The following UBTD1 variants were observed in gnomAD, a reference collection of about 807,000 sequenced individuals.
The protein encoded by UBTD1 is ubiquitin domain containing 1, also known as ubiquitin domain-containing protein 1.
In UBTD1, 19 loss-of-function variants were observed where a neutral mutation model predicts 21.7. That is an observed-to-expected ratio of 0.87 (90% confidence interval 0.61 to 1.28). The LOEUF (loss-of-function observed/expected upper bound fraction) is 1.28, where lower values mean the gene tolerates loss of function less well. Ranked by LOEUF, UBTD1 falls within the 50% of genes most tolerant of loss-of-function variation. The pLI, the probability that UBTD1 is intolerant of heterozygous loss-of-function variation, is 0.00. For missense variants in UBTD1, 282 were observed against 315.1 expected, an observed-to-expected ratio of 0.89 and a Z score of 0.80; for synonymous variants, 116 against 135.1, an observed-to-expected ratio of 0.86 and a Z score of 0.98.
chr10:97,542,768 C>T (rs1303221464), intron 1 of UBTD1, among the ~76,000 whole-genome samples: 1 of 152,200 alleles, frequency 6.6e-6, no homozygotes, highest in East Asian at 1.9e-4. Flanking sequence ...AGCAGAGGGT[C>T]CCCTGAGCCA....
At chr10:97,565,726 G>A (rs2040714323) in intron 1 of UBTD1, among the ~76,000 whole-genome samples, 1 of 151,766 alleles carries the variant, frequency 6.6e-6, no homozygotes. Context: ...ATTTTTTTGA[G>A]ACAGGGTCTC....
At chr10:97,531,440 G>A (rs141396938) in intron 1 of UBTD1, among the ~76,000 whole-genome samples, 6 of 152,056 alleles carry the variant, frequency 3.9e-5, no homozygotes, top group East Asian at 3.9e-4. Context: ...ATGTAGAGAC[G>A]AGGTTTCACC....
chr10:97,499,129 C>T lies in UBTD1; in HGVS notation c.-75C>T. Reference sequence around the variant, plus strand: ...ATGCCGGGCGGCCGGAGCCATTGACCCGGGACGCCGCCGTCCGCTGAGCAG... The same window carrying T: ...ATGCCGGGCGGCCGGAGCCATTGACTCGGGACGCCGCCGTCCGCTGAGCAG... On this transcript the variant is annotated 5_prime_UTR_variant, in exon 1 of 3. Coordinates refer to ENST00000370664, the MANE Select transcript of UBTD1 (RefSeq NM_024954.5). The T allele has an allele frequency of 3.4e-6, 5 of 1,453,998 alleles. No homozygotes were observed. The highest frequency in any genetic ancestry group is 4.6e-6 in the Non-Finnish European group (5 of 1,092,494). The allele number at this position is 1,453,998 out of a possible 1,614,324, so 90.1% of individuals were successfully genotyped here.
At chr10:97,509,568 C>A (rs2040413382) in intron 1 of UBTD1, among the ~76,000 whole-genome samples, 1 of 152,160 alleles carries the variant, frequency 6.6e-6, no homozygotes, top group Non-Finnish European at 1.5e-5. Flanking sequence ...CCTAGTCCTC[C>A]CTGGTCACCT....
chr10:97,531,941 G>A (rs2040534027), intron 1 of UBTD1, among the ~76,000 whole-genome samples: 1 of 152,230 alleles, frequency 6.6e-6, no homozygotes, highest in African/African-American at 2.4e-5. Context: ...AAACTGGCCT[G>A]TGGTGTGATG....
intron 1 of UBTD1, among the ~76,000 whole-genome samples, chr10:97,516,697 C>G (rs947012907): frequency 8.5e-5 from 13 of 152,072 alleles, no homozygotes; most frequent in Non-Finnish European, 1.9e-4. Context: ...ATGGCCTGAA[C>G]CCGGGAGGCA....
chr10:97,537,071 G>T (rs2040566100), intron 1 of UBTD1, among the ~76,000 whole-genome samples: 1 of 152,074 alleles, frequency 6.6e-6, no homozygotes, highest in Non-Finnish European at 1.5e-5. Flanking sequence ...AGGCCAGCAG[G>T]GCAGGCCTGT....
chr10:97,533,527 G>A (rs935561370), intron 1 of UBTD1, among the ~76,000 whole-genome samples: 3 of 152,184 alleles, frequency 2.0e-5, no homozygotes, highest in African/African-American at 7.2e-5. Context: ...CTGGTGGAGC[G>A]TGTCTGAGGG....
At chr10:97,517,301 G>T (rs1009984997) in intron 1 of UBTD1, among the ~76,000 whole-genome samples, 1 of 152,032 alleles carries the variant, frequency 6.6e-6, no homozygotes, top group Non-Finnish European at 1.5e-5. Context: ...GGAGTGGAGC[G>T]CCACTGGAGA....
chr10:97,526,980 T>C (rs2135666837), intron 1 of UBTD1, among the ~76,000 whole-genome samples: 1 of 151,990 alleles, frequency 6.6e-6, no homozygotes, highest in African/African-American at 2.4e-5. Context: ...AAGACCAGCC[T>C]GGGCAACATA....
At chr10:97,509,266 T>A (rs963657917) in intron 1 of UBTD1, among the ~76,000 whole-genome samples, 1 of 152,220 alleles carries the variant, frequency 6.6e-6, no homozygotes, top group Non-Finnish European at 1.5e-5. Context: ...ATTGACTGAA[T>A]AAGTGGCAGA....
chr10:97,551,734 C>T (rs1335863129), intron 1 of UBTD1, among the ~76,000 whole-genome samples: 2 of 152,176 alleles, frequency 1.3e-5, no homozygotes. Flanking sequence ...TCCATGGCTG[C>T]ACCCCAGAAC....
rs188927882 is a variant in UBTD1 at position 97,570,006 on chromosome 10, G to C, written c.299-132G>C. ...ACCTCATTTAACTTTATTTATTTCT[G>C]TATAGGCCCCATGTCCAAATACAGT... On this transcript the variant is annotated intron_variant, in intron 2 of 2. Transcript: ENST00000370664. This position sits in a 1 kb window ranked among gnomAD's most constrained non-coding sequence, Gnocchi z 6.6. 2.3e-6 allele frequency: 3 copies of C among 1,305,780 alleles called. No homozygotes were observed. The African/African-American group carries it at 4.4e-5, about 19-fold the overall frequency. The allele number at this position is 1,305,780 out of a possible 1,614,324, so 80.9% of individuals were successfully genotyped here. A position where few individuals can be genotyped will look rare whatever the true frequency, so the allele number is the denominator to read the frequency against.
chr10:97,570,704 C>A lies in UBTD1; in HGVS notation c.*181C>A. ...CCACCAGTTCCCGGTACCCAGGGAG[C>A]AGGCAGCCACACACGGGCCTTGCAA... On this transcript the variant is annotated 3_prime_UTR_variant, in exon 3 of 3. Transcript: ENST00000370664. This position sits in a 1 kb window ranked among gnomAD's most constrained non-coding sequence, Gnocchi z 6.6. 1.4e-6 allele frequency: 1 copy of A among 709,256 alleles called. No individual in the cohort carries two copies. The highest frequency in any genetic ancestry group is 2.7e-5 in the East Asian group (1 of 36,492). The allele number at this position is 709,256 out of a possible 1,614,324, so 43.9% of individuals were successfully genotyped here. A position where few individuals can be genotyped will look rare whatever the true frequency, so the allele number is the denominator to read the frequency against.
chr10:97,553,616 GA>G (rs2040650723), intron 1 of UBTD1, among the ~76,000 whole-genome samples: 1 of 152,184 alleles, frequency 6.6e-6, no homozygotes, highest in Non-Finnish European at 1.5e-5. Context: ...AGAACTTGGT[GA>G]GTTGTTTTTG....
intron 1 of UBTD1, among the ~76,000 whole-genome samples, chr10:97,548,528 G>C (rs187840076): frequency 6.6e-6 from 1 of 152,326 alleles, no homozygotes; most frequent in East Asian, 1.9e-4. Flanking sequence ...GGGCGCAGTG[G>C]CTCACGCCTA....
rs1319546253 is a variant in UBTD1 at position 97,499,085 on chromosome 10, G to A, written c.-119G>A. The A allele has an allele frequency of 2.4e-5, 28 of 1,156,908 alleles. No individual in the cohort carries two copies. The South Asian group carries it at 4.5e-4, about 19-fold the overall frequency. 71.7% of individuals were successfully genotyped at this position (1,156,908 alleles called of 1,614,324 possible). On this transcript the variant is annotated 5_prime_UTR_variant, in exon 1 of 3. Transcript: ENST00000370664. ...GCTGGGGCTGAGCGCGCCCCCGGGG[G>A]GAGATCGGGGAGCGCCCGATGCCGG...
At chr10:97,507,028 T>C (rs546170081) in intron 1 of UBTD1, among the ~76,000 whole-genome samples, 3 of 152,348 alleles carry the variant, frequency 2.0e-5, no homozygotes, top group Admixed American at 2.0e-4. Flanking sequence ...TCAGTTATTT[T>C]GTGTATATAC....
At chr10:97,546,243 C>G (rs1463374281) in intron 1 of UBTD1, among the ~76,000 whole-genome samples, 11 of 152,236 alleles carry the variant, frequency 7.2e-5, no homozygotes, top group Non-Finnish European at 2.9e-5. Flanking sequence ...AGCTCCAAGC[C>G]AGCCATGCTG....
Sources: allele counts gnomAD v4.1 joint callset (sites outside exome capture counted in the v4.1 genomes callset), GRCh38; gene constraint gnomAD v4.1.1; non-coding constraint Gnocchi (gnomAD v3.1); transcripts MANE v1.5; gene names NCBI Gene and HGNC (gene_info 2026-07-23, HGNC 2026-07-21).